RBP2: variants seen among roughly 807,000 people sequenced by gnomAD.
The protein encoded by RBP2 is retinol binding protein 2.
A neutral mutation model predicts 17.0 loss-of-function variants in RBP2; 17 were observed. The ratio of observed to expected loss-of-function variants is 1.00; its 90% CI spans 0.68 to 1.50. The LOEUF is 1.50. RBP2 is among the 40% of genes most tolerant of loss of function. The pLI is 0.00. For missense variants in RBP2, 158 were observed against 168.2 expected (o/e 0.94, Z 0.33); for synonymous variants, 48 against 57.1 (o/e 0.84, Z 0.72).
At chr3:139,460,027 G>A (rs1182982251) in intron 2 of RBP2, among the ~76,000 whole-genome samples, 1 of 152,188 alleles carries the variant, frequency 6.6e-6, no homozygotes, top group Non-Finnish European at 1.5e-5. Context: ...AGGGCTGGAA[G>A]GGTGATTTAT....
chr3:139,470,176 C>G (rs1933513577), intron 1 of RBP2, among the ~76,000 whole-genome samples: 1 of 152,200 alleles, frequency 6.6e-6, no homozygotes, highest in Non-Finnish European at 1.5e-5. Context: ...CCACCCCAGC[C>G]TGGTACCTCC....
At chr3:139,466,024 G>A (rs982501747) in intron 1 of RBP2, among the ~76,000 whole-genome samples, 16 of 152,146 alleles carry the variant, frequency 1.1e-4, no homozygotes, top group African/African-American at 3.9e-4. Context: ...TTGCCATGGG[G>A]TACAGCTCCA....
At position 139,469,683 on chromosome 3, in the gene RBP2, G is replaced by A. The variant is rs868622796; in HGVS notation, c.73+6704C>T. 6.5e-3 allele frequency among the ~76,000 whole-genome samples: 825 copies of A among 127,594 alleles called. 8 individuals are homozygous for A. Among genetic ancestry groups the A allele is most frequent in the African/African-American group, 0.02 (733 of 37,188 alleles). 83.7% of individuals were successfully genotyped at this position (127,594 alleles called of 152,430 possible). On this transcript the variant is annotated intron_variant, in intron 1 of 3. Transcript: ENST00000232217. ...CATCTATCTGTCTGTCTGTCTGTCT[G>A]TCTGTCTATCTATCTATCTATCTAT...
At chr3:139,458,734 A>G (rs535983124) in intron 2 of RBP2, among the ~76,000 whole-genome samples, 3 of 152,000 alleles carry the variant, frequency 2.0e-5, no homozygotes, top group Admixed American at 6.6e-5. Flanking sequence ...GGCTTCTCTC[A>G]CTTAGCTCGT....
intron 1 of RBP2, chr3:139,466,701 T>C (rs984094905): frequency 2.0e-5 from 3 of 152,290 alleles, no homozygotes; most frequent in Non-Finnish European, 4.4e-5. Flanking sequence ...ATGGTGTTTG[T>C]GAAGAGCTTT....
At position 139,459,400 on chromosome 3, in the gene RBP2, A is replaced by ATATATATGTGTGTGTGTGTGTG. The variant is rs111417242; in HGVS notation, c.252+2711_252+2712insCACACACACACACACATATATA. 1.9e-4 allele frequency among the ~76,000 whole-genome samples: 24 copies of ATATATATGTGTGTGTGTGTGTG among 128,558 alleles called. No homozygotes were observed. The East Asian group carries it at 3.0e-3, about 16-fold the overall frequency. 84.3% of individuals were successfully genotyped at this position (128,558 alleles called of 152,430 possible). A position where few individuals can be genotyped will look rare whatever the true frequency, so the allele number is the denominator to read the frequency against. On this transcript the variant is annotated intron_variant, in intron 2 of 3. Transcript: ENST00000232217. ...GTGAAACCCTGTTTCTACTATATATATGTGTGTGTGTGTGTGTGTGTGTGT... is the reference window on the plus strand; with the variant it reads ...GTGAAACCCTGTTTCTACTATATATATATATATGTGTGTGTGTGTGTGTGTGTGTGTGTGTGTGTGTGTGTGT...
In RBP2 at chr3:139,454,782, C is replaced by T; in HGVS notation, c.301G>A (p.Glu101Lys). ...GDVLVCVQKG[E>K]KENRGWKQWI... ...TGCTTCCAGCCGCGGTTCTCCTTCT[C>T]CCCCTTTTGCACACACACAAGGACA... The change falls in exon 3 of 4, where the codon GAG becomes AAG. Residue 101 changes from glutamate to lysine, a missense_variant. Glu to Lys is a moderately conservative substitution (Grantham distance 56). Transcript: ENST00000232217. 1 of 1,614,208 alleles carries T rather than the reference C, an allele frequency of 6.2e-7. No homozygotes were observed. The highest frequency in any genetic ancestry group is 1.3e-5 in the African/African-American group (1 of 75,062).
intron 1 of RBP2, among the ~76,000 whole-genome samples, chr3:139,469,451 C>A (rs1350787194): frequency 6.6e-6 from 1 of 152,082 alleles, no homozygotes; most frequent in Non-Finnish European, 1.5e-5. Context: ...GAGCTGATGC[C>A]AACACATGCA....
intron 1 of RBP2, among the ~76,000 whole-genome samples, chr3:139,473,712 CT>C (rs1363808700): frequency 6.6e-6 from 1 of 152,210 alleles, no homozygotes; most frequent in Admixed American, 6.5e-5. Flanking sequence ...AGGGGCAGCT[CT>C]TCCTTGCCTG....
At chr3:139,462,832 G>GT (rs930300286) in intron 1 of RBP2, among the ~76,000 whole-genome samples, 2 of 151,938 alleles carry the variant, frequency 1.3e-5, no homozygotes, top group Admixed American at 1.3e-4. Flanking sequence ...GTATAGATTT[G>GT]TTTTTTGTTT....
At chr3:139,468,780 A>G (rs917652988) in intron 1 of RBP2, among the ~76,000 whole-genome samples, 2 of 152,182 alleles carry the variant, frequency 1.3e-5, no homozygotes, top group Admixed American at 6.5e-5. Flanking sequence ...AGCATGTTTT[A>G]TCTCCTTTTC....
At chr3:139,473,834 A>G (rs3772874) in intron 1 of RBP2, among the ~76,000 whole-genome samples, 39,338 of 152,096 alleles carry the variant, frequency 0.26, 8,321 homozygotes, top group African/African-American at 0.59. Flanking sequence ...TGGTGATAAG[A>G]TGACTCTGGG....
At chr3:139,467,572 G>A (rs1220375657) in intron 1 of RBP2, among the ~76,000 whole-genome samples, 1 of 152,162 alleles carries the variant, frequency 6.6e-6, no homozygotes, top group African/African-American at 2.4e-5. Context: ...AGGAAAATGA[G>A]GAAAAGAATG....
chr3:139,470,592 C>T (rs1933531152), intron 1 of RBP2, among the ~76,000 whole-genome samples: 1 of 151,880 alleles, frequency 6.6e-6, no homozygotes, highest in African/African-American at 2.4e-5. Flanking sequence ...TACCTTTCTA[C>T]TCTCACTCCC....
At chr3:139,468,242 G>A (rs1159252410) in intron 1 of RBP2, among the ~76,000 whole-genome samples, 1 of 152,230 alleles carries the variant, frequency 6.6e-6, no homozygotes, top group Non-Finnish European at 1.5e-5. Flanking sequence ...GAGCTACCCA[G>A]TTAGGATAGC....
intron 2 of RBP2, among the ~76,000 whole-genome samples, chr3:139,460,223 G>T (rs539169784): frequency 6.6e-6 from 1 of 152,316 alleles, no homozygotes; most frequent in Non-Finnish European, 1.5e-5. Context: ...AGCAATTCTG[G>T]TGTCCAATGA....
In RBP2 at chr3:139,453,008, G is replaced by T; in HGVS notation, c.*108C>A. ...TTAAAACCCACCCAGATGCCTTAAT[G>T]GGGCTCTGTCAAGAGTGGGAAGGTC... On this transcript the variant is annotated 3_prime_UTR_variant, in exon 4 of 4. Coordinates refer to ENST00000232217, the MANE Select transcript of RBP2 (RefSeq NM_004164.3). 1.6e-6 allele frequency: 2 copies of T among 1,274,984 alleles called. No individual in the cohort carries two copies. Among genetic ancestry groups the T allele is most frequent in the South Asian group, 2.4e-5 (2 of 82,888 alleles). The allele number at this position is 1,274,984 out of a possible 1,614,324, so 79.0% of individuals were successfully genotyped here.
chr3:139,469,391 C>T (rs547701956), intron 1 of RBP2, among the ~76,000 whole-genome samples: 22 of 152,260 alleles, frequency 1.4e-4, no homozygotes, highest in Admixed American at 7.2e-4. Flanking sequence ...CACTGTTTCT[C>T]CTCCCCATTC....
chr3:139,455,574 T>C (rs1943380916), intron 2 of RBP2, among the ~76,000 whole-genome samples: 1 of 152,188 alleles, frequency 6.6e-6, no homozygotes, highest in Non-Finnish European at 1.5e-5. Context: ...CCTTTCAAAA[T>C]ATAAAACTGC....
Sources: gnomAD v4.1 joint callset for allele counts (sites outside exome capture counted in the v4.1 genomes callset) on GRCh38, gnomAD v4.1.1 for gene constraint, MANE v1.5 for transcripts, NCBI Gene and HGNC (gene_info 2026-07-23, HGNC 2026-07-21) for gene names.